MN1: variants seen among roughly 807,000 people sequenced by gnomAD.
MN1 encodes transcriptional activator MN1.
A neutral mutation model predicts 86.9 loss-of-function variants in MN1; 19 were observed. The observed-to-expected ratio is 0.22, with a 90% confidence interval of 0.15 to 0.32. The LOEUF (loss-of-function observed/expected upper bound fraction) is 0.32, where lower values mean the gene tolerates loss of function less well. Ranked by LOEUF, MN1 falls within the 10% of genes least tolerant of loss-of-function variation. The pLI is 1.00. For synonymous variants in MN1, 928 were observed against 849.6 expected, an observed-to-expected ratio of 1.09 and a Z score of -1.60; for missense variants, 1,841 against 1,862.0, an observed-to-expected ratio of 0.99 and a Z score of 0.21.
chr22:27,801,408 C>G lies in MN1; in HGVS notation c.-865G>C, dbSNP rs1933439767. ...TTCTCCGCCGTTGGGTGTCTGAGTT[C>G]GCCGGAGTCTCCGCGCACCGTTGCA... On this transcript the variant is annotated 5_prime_UTR_variant, in exon 1 of 2. Coordinates refer to ENST00000302326, the MANE Select transcript of MN1 (RefSeq NM_002430.3). The G allele has an allele frequency of 4.7e-6, 1 of 211,522 alleles. No homozygotes were observed. Among genetic ancestry groups the G allele is most frequent in the Non-Finnish European group, 9.6e-6 (1 of 104,066 alleles). The allele number at this position is 211,522 out of a possible 1,614,324, so 13.1% of individuals were successfully genotyped here.
chr22:27,779,133 G>T (rs1341754017), intron 1 of MN1, among the ~76,000 whole-genome samples: 1 of 152,070 alleles, frequency 6.6e-6, no homozygotes, highest in Non-Finnish European at 1.5e-5. Context: ...AGGGTGCCAG[G>T]GTGACCATGA....
chr22:27,759,208 T>A (rs1467076833), intron 1 of MN1, among the ~76,000 whole-genome samples: 1 of 151,212 alleles, frequency 6.6e-6, no homozygotes. Context: ...CCCTGTGGAG[T>A]TGGCCCCCAC....
Position 27,750,866 on chromosome 22 carries a change from G to C in MN1, c.*49C>G. On this transcript the variant is annotated 3_prime_UTR_variant, in exon 2 of 2. Coordinates refer to ENST00000302326, the MANE Select transcript of MN1 (RefSeq NM_002430.3). ...GGTAAGGTTGAGGGGGAAGGAAACA[G>C]ACAGGGGGAGAGGAAGGGCCTGGTA... 1 of 1,489,130 alleles carries C rather than the reference G, an allele frequency of 6.7e-7. No homozygotes were observed. The highest frequency in any genetic ancestry group is 9.1e-7 in the Non-Finnish European group (1 of 1,097,870). The allele number at this position is 1,489,130 out of a possible 1,614,324, so 92.2% of individuals were successfully genotyped here.
chr22:27,764,220 C>T (rs1286492200), intron 1 of MN1, among the ~76,000 whole-genome samples: 1 of 152,186 alleles, frequency 6.6e-6, no homozygotes, highest in African/African-American at 2.4e-5. Flanking sequence ...TCTAACCTTG[C>T]CGTAGAACAC....
Position 27,786,842 on chromosome 22 carries a change from G to GCACA in MN1, c.3781+9917_3781+9920dup, listed in dbSNP as rs59816177. On this transcript the variant is annotated intron_variant, in intron 1 of 1. Coordinates refer to ENST00000302326, the MANE Select transcript of MN1 (RefSeq NM_002430.3). The stretch of plus-strand genomic sequence containing the variant: ...AATCCGGGCCCATTAATGCCCGTGC[G>GCACA]CACACACACACACACACACACACTT... Among the ~76,000 whole-genome samples, 737 of 140,668 alleles carry GCACA rather than the reference G, an allele frequency of 5.2e-3. 3 individuals are homozygous for GCACA. The highest frequency in any genetic ancestry group is 0.015 in the African/African-American group (576 of 38,306). 92.3% of individuals were successfully genotyped at this position (140,668 alleles called of 152,430 possible). A position where few individuals can be genotyped will look rare whatever the true frequency, so the allele number is the denominator to read the frequency against.
At chr22:27,791,287 A>G (rs1433116923) in intron 1 of MN1, among the ~76,000 whole-genome samples, 4 of 151,880 alleles carry the variant, frequency 2.6e-5, no homozygotes, top group Admixed American at 1.3e-4. Flanking sequence ...GGCTTGAAAA[A>G]TTTCCTCCAA....
intron 1 of MN1, among the ~76,000 whole-genome samples, chr22:27,756,860 A>G (rs1932805117): frequency 6.6e-6 from 1 of 152,120 alleles, no homozygotes; most frequent in Non-Finnish European, 1.5e-5. Flanking sequence ...GGCTCAAGCA[A>G]TCCTCCCACC....
rs760839712 is a variant in MN1, at chr22:27,798,192, G to A, written c.2352C>T (p.Ala784=). 14 of 1,546,264 alleles carry A rather than the reference G, an allele frequency of 9.1e-6. 1 individual carries two copies. Residue 784 remains alanine, a synonymous_variant, in exon 1 of 2, where the codon GCC becomes GCT. Coordinates refer to ENST00000302326, the MANE Select transcript of MN1 (RefSeq NM_002430.3). ...GSSGGGGGGG[A]YPPQPDFQPS... is the part of the protein sequence containing the mutation. The stretch of plus-strand genomic sequence containing the variant: ...GCTGGAAATCAGGCTGCGGCGGGTA[G>A]GCACCCCCGCCACCGCCGCCACCAG...
At chr22:27,785,056 CCACACACACACACACACA>C (rs57257445) in intron 1 of MN1, among the ~76,000 whole-genome samples, 3 of 144,832 alleles carry the variant, frequency 2.1e-5, no homozygotes, top group Admixed American at 6.9e-5. Context: ...CTGGCATCCG[CCACACACACACACACACA>C]CACACACACA....
In MN1 at chr22:27,750,809, A is replaced by G; in HGVS notation, c.*106T>C. On this transcript the variant is annotated 3_prime_UTR_variant, in exon 2 of 2. Transcript: ENST00000302326. ...AAAAAAAAAACTCATCCACTCAGCA[A>G]TAGTGGCCCTTTCAAATTAACAGAG... is the stretch of plus-strand genomic sequence containing the variant. 9.8e-7 allele frequency: 1 copy of G among 1,022,422 alleles called. No homozygotes were observed. Among genetic ancestry groups the G allele is most frequent in the Non-Finnish European group, 1.4e-6 (1 of 716,810 alleles). 63.3% of individuals were successfully genotyped at this position (1,022,422 alleles called of 1,614,324 possible). A position where few individuals can be genotyped will look rare whatever the true frequency, so the allele number is the denominator to read the frequency against.
chr22:27,770,755 C>T (rs1415660635), intron 1 of MN1, among the ~76,000 whole-genome samples: 1 of 149,524 alleles, frequency 6.7e-6, no homozygotes, highest in African/African-American at 2.5e-5. Flanking sequence ...ACCTCCCAGA[C>T]CCAAGCAATC....
intron 1 of MN1, among the ~76,000 whole-genome samples, chr22:27,790,687 T>TG (rs368553532): frequency 8.1e-3 from 262 of 32,236 alleles, no homozygotes; most frequent in African/African-American, 0.025. Context: ...TGGGGGTAGG[T>TG]GGGGGGGGAG....
At chr22:27,762,726 C>A (rs887343522) in intron 1 of MN1, among the ~76,000 whole-genome samples, 1 of 151,990 alleles carries the variant, frequency 6.6e-6, no homozygotes, top group Non-Finnish European at 1.5e-5. Flanking sequence ...TGACACCTCA[C>A]TGAACTCCTA....
At chr22:27,778,653 AAGG>A (rs1412789945) in intron 1 of MN1, among the ~76,000 whole-genome samples, 1 of 152,236 alleles carries the variant, frequency 6.6e-6, no homozygotes, top group East Asian at 1.9e-4. Flanking sequence ...CCGGGGCAGT[AAGG>A]AGATCAGTCC....
chr22:27,776,066 T>A (rs958903620), intron 1 of MN1, among the ~76,000 whole-genome samples: 3 of 152,256 alleles, frequency 2.0e-5, no homozygotes, highest in South Asian at 4.1e-4. Context: ...CCAAAAAAAA[T>A]TTTTTAAGAC....
At chr22:27,791,315 C>T (rs1174774069) in intron 1 of MN1, among the ~76,000 whole-genome samples, 1 of 152,130 alleles carries the variant, frequency 6.6e-6, no homozygotes, top group Non-Finnish European at 1.5e-5. Context: ...TCTTCTCAAT[C>T]ACGCACTCAT....
intron 1 of MN1, among the ~76,000 whole-genome samples, chr22:27,766,068 TCC>T (rs929557802): frequency 1.3e-5 from 2 of 152,074 alleles, no homozygotes; most frequent in African/African-American, 4.8e-5. Flanking sequence ...TGGGCTCTCC[TCC>T]CCAACTCTGG....
At chr22:27,778,381 G>T (rs546543058) in intron 1 of MN1, among the ~76,000 whole-genome samples, 114 of 152,230 alleles carry the variant, frequency 7.5e-4, no homozygotes, top group Middle Eastern at 3.4e-3. Flanking sequence ...CCTAAATTCC[G>T]CAGGCAAATC....
At chr22:27,784,577 G>A (rs944546454) in intron 1 of MN1, among the ~76,000 whole-genome samples, 4 of 152,136 alleles carry the variant, frequency 2.6e-5, no homozygotes, top group Non-Finnish European at 4.4e-5. Context: ...ATTTCATTAG[G>A]GGGAAAATAT....
Sources: allele counts gnomAD v4.1 joint callset (sites outside exome capture counted in the v4.1 genomes callset), GRCh38; gene constraint gnomAD v4.1.1; transcripts MANE v1.5; gene names NCBI Gene and HGNC (gene_info 2026-07-23, HGNC 2026-07-21).